Variants in SOX6 observed in about 807,000 individuals in gnomAD.
The protein encoded by SOX6 is transcription factor SOX-6.
In SOX6, 11 loss-of-function variants were observed where a neutral mutation model predicts 97.8. The ratio of observed to expected loss-of-function variants is 0.11; its 90% CI spans 0.07 to 0.19. SOX6 has a LOEUF of 0.19. Ranked by LOEUF, SOX6 falls within the 10% of genes least tolerant of loss-of-function variation. The pLI, the probability that SOX6 is intolerant of heterozygous loss-of-function variation, is 1.00. For synonymous variants in SOX6, 360 were observed against 371.4 expected, an observed-to-expected ratio of 0.97 and a Z score of 0.35; for missense variants, 810 against 1,039.5, an observed-to-expected ratio of 0.78 and a Z score of 3.04.
At chr11:16,555,383 TTAAG>T (rs1847739040) in intron 4 of SOX6, among the ~76,000 whole-genome samples, 1 of 151,672 alleles carries the variant, frequency 6.6e-6, no homozygotes, top group South Asian at 2.1e-4. Flanking sequence ...TTATCGGTAT[TTAAG>T]TGTTTCTTAA....
chr11:16,335,582 C>A (rs1026058644), intron 2 of SOX6, among the ~76,000 whole-genome samples: 9 of 152,172 alleles, frequency 5.9e-5, no homozygotes, highest in African/African-American at 2.2e-4. Context: ...TTACAAAAAA[C>A]TGGCAACAAT....
intron 3 of SOX6, among the ~76,000 whole-genome samples, chr11:16,275,016 G>A (rs559750703): frequency 3.3e-5 from 5 of 152,214 alleles, no homozygotes; most frequent in African/African-American, 1.2e-4. Context: ...ATACAGAGGG[G>A]CAGAATCTTG....
chr11:16,493,184 G>A (rs1037880707), intron 4 of SOX6, among the ~76,000 whole-genome samples: 7 of 152,128 alleles, frequency 4.6e-5, no homozygotes. Flanking sequence ...GTCCCAAACT[G>A]GAAATGTCTG....
intron 4 of SOX6, among the ~76,000 whole-genome samples, chr11:16,539,670 C>A (rs1456886288): frequency 1.3e-5 from 2 of 152,112 alleles, no homozygotes; most frequent in Non-Finnish European, 2.9e-5. Context: ...ATACAAACTA[C>A]CATCAGAGAA....
intron 12 of SOX6, among the ~76,000 whole-genome samples, chr11:16,018,647 ATG>A (rs1372062998): frequency 6.6e-6 from 1 of 152,142 alleles, no homozygotes; most frequent in African/African-American, 2.4e-5. Flanking sequence ...TTCCATAATA[ATG>A]TGTGTGCTAA....
intron 3 of SOX6, among the ~76,000 whole-genome samples, chr11:16,659,741 C>T (rs1199441249): frequency 1.3e-5 from 2 of 152,002 alleles, no homozygotes; most frequent in African/African-American, 2.4e-5. Flanking sequence ...TAGAATTTAC[C>T]AGTGAAACCA....
chr11:15,972,696 C>G lies in SOX6; in HGVS notation c.*113G>C. The G allele has an allele frequency of 8.7e-7, 1 of 1,149,092 alleles. No homozygotes were observed. The highest frequency in any genetic ancestry group is 1.3e-5 in the South Asian group (1 of 79,802). 71.2% of individuals were successfully genotyped at this position (1,149,092 alleles called of 1,614,324 possible). ...CTCACACTTTACGAAACAATTAAGA[C>G]CATTCTGCTGATGTAATTGTGGAGC... On this transcript the variant is annotated 3_prime_UTR_variant, in exon 16 of 16. Transcript: ENST00000683767.
chr11:16,282,847 C>A (rs1048835817), intron 3 of SOX6, among the ~76,000 whole-genome samples: 1 of 150,268 alleles, frequency 6.7e-6, no homozygotes. Flanking sequence ...TATTTTTAAA[C>A]CACAGTTTTA....
intron 3 of SOX6, among the ~76,000 whole-genome samples, chr11:16,273,887 A>G (rs1854325570): frequency 6.6e-6 from 1 of 152,244 alleles, no homozygotes; most frequent in East Asian, 1.9e-4. Flanking sequence ...AAGAATTAGG[A>G]GTGATGACTA....
At chr11:16,650,040 G>A (rs1331935416) in intron 3 of SOX6, among the ~76,000 whole-genome samples, 1 of 152,056 alleles carries the variant, frequency 6.6e-6, no homozygotes, top group Non-Finnish European at 1.5e-5. Context: ...AAGACAAAGA[G>A]GGACATTATA....
At chr11:15,974,712 C>T (rs1304260664) in intron 15 of SOX6, among the ~76,000 whole-genome samples, 12 of 152,056 alleles carry the variant, frequency 7.9e-5, no homozygotes, top group Admixed American at 7.9e-4. Flanking sequence ...TCCAGCCTGG[C>T]AGAGGGAGAA....
At chr11:16,474,233 G>A (rs1304694664) in intron 1 of SOX6, among the ~76,000 whole-genome samples, 2 of 151,872 alleles carry the variant, frequency 1.3e-5, no homozygotes, top group African/African-American at 4.8e-5. Context: ...CATCCATGAG[G>A]GTTGAAATAA....
rs1331428275 is a variant in SOX6, at chr11:16,542,063, A to C, written n.610-65675T>G. Among the ~76,000 whole-genome samples, 3 of 152,168 alleles carry C rather than the reference A, an allele frequency of 2.0e-5. No homozygotes were observed. The East Asian group carries it at 5.8e-4, about 29-fold the overall frequency. ...ACAATAGCAAAGACTTGGAACCAAC[A>C]CAAATGTCCATCAGTGATAGACTGG... On this transcript the variant is annotated intron_variant and non_coding_transcript_variant, in intron 4 of 5. Coordinates refer to the SOX6 transcript ENST00000524520.
chr11:16,618,160 T>C (rs1056361542), intron 3 of SOX6, among the ~76,000 whole-genome samples: 48 of 152,036 alleles, frequency 3.2e-4, no homozygotes, highest in Admixed American at 9.2e-4. Context: ...AAGCATATAT[T>C]TCCTAAAGAA....
chr11:16,389,774 C>A (rs1305204049), intron 1 of SOX6, among the ~76,000 whole-genome samples: 1 of 151,452 alleles, frequency 6.6e-6, no homozygotes, highest in Admixed American at 6.6e-5. Context: ...CGAGACCATC[C>A]CGGCTAACAC....
rs1462183473 is a variant in SOX6, at chr11:15,972,876, T to C, written c.2420A>G (p.Tyr807Cys). 2 of 1,614,236 alleles carry C rather than the reference T, an allele frequency of 1.2e-6. No individual in the cohort carries two copies. The highest frequency in any genetic ancestry group is 3.3e-5 in the Admixed American group (2 of 60,028). Residue 807 changes from tyrosine to cysteine, a missense_variant, in exon 16 of 16, where the codon TAT (tyrosine) becomes TGT (cysteine). This residue lies in a region of SOX6 where 122 missense variants were observed against 153.4 expected (regional missense o/e 0.80). Coordinates refer to ENST00000683767, the MANE Select transcript of SOX6 (RefSeq NM_001367873.1). The part of the protein sequence containing the change: ...GEDEMEMYDD[Y>C]EDDPKSDYSS... ...ATAGTCTGATTTGGGGTCATCTTCA[T>C]AGTCATCATACATTTCCATTTCATC...
At position 16,015,067 on chromosome 11, in the gene SOX6, TCA is replaced by T; in HGVS notation, c.1624-19_1624-18del. Reference sequence around the variant, plus strand: ...CGTTCTTTCCTAGAGGAACAAATAATCAGAGGCTTATTCTAGTTTCCAAAACA... The same window carrying T: ...CGTTCTTTCCTAGAGGAACAAATAATGAGGCTTATTCTAGTTTCCAAAACA... On this transcript the variant is annotated intron_variant, in intron 12 of 15. Coordinates refer to ENST00000683767, the MANE Select transcript of SOX6 (RefSeq NM_001367873.1). 6.2e-7 allele frequency: 1 copy of T among 1,606,550 alleles called. No homozygotes were observed. Among genetic ancestry groups the T allele is most frequent in the Non-Finnish European group, 8.5e-7 (1 of 1,173,916 alleles).
At chr11:16,646,675 T>TAAGCTATAA (rs1488671276) in intron 3 of SOX6, among the ~76,000 whole-genome samples, 1 of 152,158 alleles carries the variant, frequency 6.6e-6, no homozygotes, top group Non-Finnish European at 1.5e-5. Context: ...CTTATGCCTT[T>TAAGCTATAA]GCATCCTCAT....
At chr11:16,705,776 C>T (rs962252359) in intron 3 of SOX6, among the ~76,000 whole-genome samples, 3 of 151,666 alleles carry the variant, frequency 2.0e-5, no homozygotes, top group South Asian at 2.1e-4. Flanking sequence ...CAAACTAAAT[C>T]GTTATATATT....
Sources: allele counts gnomAD v4.1 joint callset (sites outside exome capture counted in the v4.1 genomes callset), GRCh38; gene constraint gnomAD v4.1.1; regional missense constraint gnomAD v4.1.1; transcripts MANE v1.5; gene names NCBI Gene and HGNC (gene_info 2026-07-23, HGNC 2026-07-21).